The following AK5 variants were observed in gnomAD, a reference collection of about 807,000 sequenced individuals.
AK5 encodes the protein adenylate kinase isoenzyme 5.
A neutral mutation model predicts 69.5 loss-of-function variants in AK5; 27 were observed. That is an observed-to-expected ratio of 0.39 (90% CI 0.29 to 0.54). The LOEUF is 0.54. AK5 is among the 20% of genes least tolerant of loss of function. The pLI is 0.71. For synonymous variants in AK5, 260 were observed against 244.4 expected (o/e 1.06, Z -0.60); for missense variants, 531 against 700.4 (o/e 0.76, Z 2.73).
intron 8 of AK5, among the ~76,000 whole-genome samples, chr1:77,481,381 G>T (rs1311045978): frequency 1.3e-5 from 2 of 152,190 alleles, no homozygotes; most frequent in Non-Finnish European, 2.9e-5. Flanking sequence ...GGCTTGTTGA[G>T]GAATAATTGA....
At chr1:77,334,661 C>A (rs1386002954) in intron 5 of AK5, among the ~76,000 whole-genome samples, 1 of 151,966 alleles carries the variant, frequency 6.6e-6, no homozygotes. Flanking sequence ...CTGACCTGTC[C>A]TTTTTGTTCT....
chr1:77,538,489 T>TA (rs113181815), intron 13 of AK5, among the ~76,000 whole-genome samples: 2,422 of 142,198 alleles, frequency 0.017, 49 homozygotes, highest in South Asian at 0.11. Flanking sequence ...CCTGGAACAT[T>TA]AAAAAAAAAA....
chr1:77,320,430 C>T (rs1167216), intron 5 of AK5, among the ~76,000 whole-genome samples: 4,145 of 152,100 alleles, frequency 0.027, 200 homozygotes, highest in African/African-American at 0.095. Flanking sequence ...ACAATTAAAA[C>T]GCAGATTGAA....
intron 6 of AK5, among the ~76,000 whole-genome samples, chr1:77,375,592 T>G (rs866782564): frequency 2.6e-5 from 4 of 152,198 alleles, no homozygotes; most frequent in African/African-American, 4.8e-5. Context: ...TTTGATGGAC[T>G]GGATCTTCAG....
chr1:77,337,775 A>G (rs1661437979), intron 5 of AK5, among the ~76,000 whole-genome samples: 3 of 152,146 alleles, frequency 2.0e-5, no homozygotes, highest in Admixed American at 2.0e-4. Context: ...CAGCGGGGAA[A>G]ACTGAGGTTC....
At chr1:77,513,598 G>A (rs927172722) in intron 10 of AK5, among the ~76,000 whole-genome samples, 5 of 152,194 alleles carry the variant, frequency 3.3e-5, no homozygotes, top group African/African-American at 7.2e-5. Flanking sequence ...CCAGCACTTC[G>A]GGAGGCCGAG....
intron 6 of AK5, among the ~76,000 whole-genome samples, chr1:77,356,067 T>C (rs1408939150): frequency 6.6e-6 from 1 of 152,152 alleles, no homozygotes; most frequent in Non-Finnish European, 1.5e-5. Flanking sequence ...TTTAAATTGC[T>C]GTAAACATGC....
intron 10 of AK5, among the ~76,000 whole-genome samples, chr1:77,497,275 AAAC>A (rs1475045379): frequency 2.0e-5 from 3 of 152,236 alleles, no homozygotes; most frequent in Admixed American, 1.3e-4. Context: ...CGGGAGGAAC[AAAC>A]AACTCTGGAT....
chr1:77,475,070 T>C (rs1268742729), intron 8 of AK5, among the ~76,000 whole-genome samples: 1 of 151,508 alleles, frequency 6.6e-6, no homozygotes, highest in African/African-American at 2.4e-5. Flanking sequence ...CCCAAAGTGC[T>C]GAGATTACAG....
intron 8 of AK5, among the ~76,000 whole-genome samples, 186 bp from the exon 9 acceptor site, chr1:77,483,131 T>C (rs1406851342): frequency 2.0e-5 from 3 of 150,834 alleles, no homozygotes; most frequent in Non-Finnish European, 3.0e-5. Flanking sequence ...CACTACCCTG[T>C]CACCTTTGGA....
intron 8 of AK5, among the ~76,000 whole-genome samples, chr1:77,442,831 G>A (rs148690848): frequency 2.0e-5 from 3 of 152,260 alleles, no homozygotes; most frequent in African/African-American, 7.2e-5. Context: ...TCAGTCCAAG[G>A]TTGGATGGGC....
At chr1:77,541,545 A>G (rs897391752) in intron 13 of AK5, among the ~76,000 whole-genome samples, 9 of 152,224 alleles carry the variant, frequency 5.9e-5, no homozygotes, top group Admixed American at 3.3e-4. Context: ...ATTGTAGGTA[A>G]TACTGAGCCA....
intron 8 of AK5, among the ~76,000 whole-genome samples, chr1:77,459,714 C>A (rs1265860427): frequency 6.6e-6 from 1 of 152,188 alleles, no homozygotes; most frequent in Non-Finnish European, 1.5e-5. Flanking sequence ...TATACCCCAG[C>A]AGCTATCATA....
At chr1:77,302,276 C>G (rs1294934043) in intron 5 of AK5, among the ~76,000 whole-genome samples, 1 of 152,058 alleles carries the variant, frequency 6.6e-6, no homozygotes, top group African/African-American at 2.4e-5. Context: ...CTGTTTCTTT[C>G]CAAATTTGGT....
intron 6 of AK5, among the ~76,000 whole-genome samples, chr1:77,389,829 G>A (rs918576034): frequency 1.3e-5 from 2 of 152,078 alleles, no homozygotes; most frequent in African/African-American, 4.8e-5. Context: ...GGATGTGGTG[G>A]TGAATGCCTG....
At chr1:77,295,808 G>A (rs1044367330) in intron 3 of AK5, among the ~76,000 whole-genome samples, 2 of 152,074 alleles carry the variant, frequency 1.3e-5, no homozygotes, top group African/African-American at 4.8e-5. Context: ...AATATTTTTT[G>A]TGTGTACTAT....
At chr1:77,367,854 A>ATATGTTATATATAT (rs1647019665) in intron 6 of AK5, among the ~76,000 whole-genome samples, 1 of 2,214 alleles carries the variant, frequency 4.5e-4, no homozygotes. Flanking sequence ...TATTATATAT[A>ATATGTTATATATAT]ATATATAATA....
At chr1:77,357,334 T>C (rs1258996455) in intron 6 of AK5, among the ~76,000 whole-genome samples, 5 of 152,182 alleles carry the variant, frequency 3.3e-5, no homozygotes, top group African/African-American at 7.2e-5. Context: ...TGTCCTCATC[T>C]GTAAAATGGG....
In AK5 at chr1:77,483,379, C is replaced by T. The variant is rs771037259; in HGVS notation, c.1102+20C>T. 3 of 1,599,820 alleles carry T rather than the reference C, an allele frequency of 1.9e-6. No homozygotes were observed. Among genetic ancestry groups the T allele is most frequent in the East Asian group, 2.2e-5 (1 of 44,836 alleles). ...TGGGAGGTGAGTTTTCCTTACTGAT[C>T]AGATCAAAGTTGTCATTTTAGTAAC... is the stretch of plus-strand genomic sequence containing the variant. On this transcript the variant is annotated intron_variant, in intron 9 of 13. Transcript: ENST00000354567.
Sources: allele counts gnomAD v4.1 joint callset (sites outside exome capture counted in the v4.1 genomes callset), GRCh38; gene constraint gnomAD v4.1.1; transcripts MANE v1.5; gene names NCBI Gene and HGNC (gene_info 2026-07-23, HGNC 2026-07-21).